ABHD17C: variants seen among roughly 807,000 people sequenced by gnomAD.
ABHD17C encodes alpha/beta hydrolase domain-containing protein 17C.
A neutral mutation model predicts 27.9 loss-of-function variants in ABHD17C; 11 were observed. The observed-to-expected ratio is 0.39, with a 90% CI of 0.25 to 0.65. The LOEUF is 0.65. Among genes scored for constraint, ABHD17C ranks in the 30% least tolerant of loss-of-function variants. The pLI is 0.45. For synonymous variants in ABHD17C, 233 were observed against 209.1 expected, an observed-to-expected ratio of 1.11 and a Z score of -0.98; for missense variants, 280 against 470.2, an observed-to-expected ratio of 0.60 and a Z score of 3.74.
intron 1 of ABHD17C, among the ~76,000 whole-genome samples, chr15:80,711,914 A>G (rs1200598411): frequency 6.6e-6 from 1 of 152,212 alleles, no homozygotes; most frequent in Non-Finnish European, 1.5e-5. Flanking sequence ...TCTAGGTAGA[A>G]TGAAAGACTG....
At chr15:80,742,430 A>G (rs1596072750) in intron 1 of ABHD17C, among the ~76,000 whole-genome samples, 1 of 152,110 alleles carries the variant, frequency 6.6e-6, no homozygotes, top group African/African-American at 2.4e-5. Context: ...AGGGCAGGAG[A>G]TCGATGTCCC....
chr15:80,741,080 A>G (rs950036750), intron 1 of ABHD17C, among the ~76,000 whole-genome samples: 1 of 152,120 alleles, frequency 6.6e-6, no homozygotes, highest in African/African-American at 2.4e-5. Flanking sequence ...CTGCCATGAC[A>G]TCTGTGTCCG....
chr15:80,709,501 A>G (rs1301356726), intron 1 of ABHD17C, among the ~76,000 whole-genome samples: 1 of 151,532 alleles, frequency 6.6e-6, no homozygotes, highest in African/African-American at 2.4e-5. Flanking sequence ...AAAAAAAAAA[A>G]CAAAAAAACA....
At chr15:80,715,830 T>G (rs1894796975) in intron 1 of ABHD17C, among the ~76,000 whole-genome samples, 1 of 152,248 alleles carries the variant, frequency 6.6e-6, no homozygotes, top group Non-Finnish European at 1.5e-5. Flanking sequence ...AGTAGTCATT[T>G]TTGTCATTCG....
At chr15:80,748,707 CCTT>C (rs34144233) in intron 1 of ABHD17C, among the ~76,000 whole-genome samples, 16,603 of 147,426 alleles carry the variant, frequency 0.11, 1,262 homozygotes, top group East Asian at 0.28. Flanking sequence ...GGTGCCGCAT[CCTT>C]CTGCATGGGC....
At chr15:80,702,304 G>A (rs1894583942) in intron 1 of ABHD17C, among the ~76,000 whole-genome samples, 1 of 152,062 alleles carries the variant, frequency 6.6e-6, no homozygotes, top group African/African-American at 2.4e-5. Flanking sequence ...TCTCAGACCA[G>A]CCTGGGCAAC....
At chr15:80,742,162 T>C (rs1246937300) in intron 1 of ABHD17C, among the ~76,000 whole-genome samples, 1 of 152,206 alleles carries the variant, frequency 6.6e-6, no homozygotes, top group African/African-American at 2.4e-5. Context: ...GAGGAGATTT[T>C]TTTTATGGGA....
intron 2 of ABHD17C, among the ~76,000 whole-genome samples, chr15:80,751,352 T>G (rs1362249082): frequency 6.6e-6 from 1 of 152,052 alleles, no homozygotes; most frequent in Non-Finnish European, 1.5e-5. Flanking sequence ...AGAGCAAGAT[T>G]CTGTCTCCAA....
At position 80,696,007 on chromosome 15, in the gene ABHD17C, C is replaced by T; in HGVS notation, c.578C>T (p.Ala193Val). The T allele has an allele frequency of 6.4e-7, 1 of 1,574,144 alleles. No individual in the cohort carries two copies. Among genetic ancestry groups the T allele is most frequent in the South Asian group, 1.1e-5 (1 of 88,074 alleles). Residue 193 changes from alanine (A) to valine (V), a missense_variant, in exon 1 of 3, where the codon GCG (alanine) becomes GTG (valine). Ala to Val is a moderately conservative substitution (Grantham distance 64). This residue lies in a region of ABHD17C where 206 missense variants were observed against 394.7 expected (regional missense o/e 0.52). Transcript: ENST00000258884. ...GCCGACATCGACGCCGCGTGGCAGG[C>T]GCTGCGCACCCGGTGAGCCTGCCGG... ...LYADIDAAWQ[A>V]LRTRYGVSPE...
intron 1 of ABHD17C, among the ~76,000 whole-genome samples, chr15:80,720,753 T>C (rs991197944): frequency 6.6e-6 from 1 of 152,018 alleles, no homozygotes; most frequent in Non-Finnish European, 1.5e-5. Flanking sequence ...AAACTCCGTC[T>C]CTACTAAAAA....
At chr15:80,714,308 C>G (rs565122292) in intron 1 of ABHD17C, among the ~76,000 whole-genome samples, 5 of 152,196 alleles carry the variant, frequency 3.3e-5, no homozygotes, top group African/African-American at 9.7e-5. Flanking sequence ...TCTGGTGTAT[C>G]CGGCATTCCT....
At chr15:80,753,241 T>C (rs1895387499) in intron 2 of ABHD17C, among the ~76,000 whole-genome samples, 2 of 151,894 alleles carry the variant, frequency 1.3e-5, no homozygotes, top group South Asian at 4.1e-4. Context: ...ATATAAAAAA[T>C]AGTAGTTGCT....
rs1311902735 is a variant in ABHD17C, at chr15:80,740,696, A to G, written c.591-8817A>G. ...ATTAATATCAAGACGTTTTGTCCCAATTCCAGTCCTTCTACATAAGTCTGA... is the reference window on the plus strand; with the variant it reads ...ATTAATATCAAGACGTTTTGTCCCAGTTCCAGTCCTTCTACATAAGTCTGA... On this transcript the variant is annotated intron_variant, in intron 1 of 2. Transcript: ENST00000258884. Among the ~76,000 whole-genome samples the G allele has an allele frequency of 1.1e-4, 16 of 152,132 alleles. No individual in the cohort carries two copies. In the East Asian group the frequency reaches 1.7e-3, roughly 17 times the overall value.
At position 80,725,718 on chromosome 15, in the gene ABHD17C, A is replaced by G. The variant is rs534478729; in HGVS notation, c.591-23795A>G. Among the ~76,000 whole-genome samples the G allele has an allele frequency of 2.4e-3, 364 of 152,080 alleles. 1 individual carries two copies. The highest frequency in any genetic ancestry group is 8.3e-3 in the African/African-American group (346 of 41,494). On this transcript the variant is annotated intron_variant, in intron 1 of 2. Transcript: ENST00000258884. Reference sequence around the variant, plus strand: ...ATTTTTATAGAGATGTAGTCTTGCTATGTAGCCCAGGCTGGGTTTGAACTC... The same window carrying G: ...ATTTTTATAGAGATGTAGTCTTGCTGTGTAGCCCAGGCTGGGTTTGAACTC...
At position 80,749,495 on chromosome 15, in the gene ABHD17C, A is replaced by G. The variant is rs371430993; in HGVS notation, c.591-18A>G. 6 of 1,611,484 alleles carry G rather than the reference A, an allele frequency of 3.7e-6. No individual in the cohort carries two copies. The African/African-American group carries it at 8.0e-5, about 22-fold the overall frequency. On this transcript the variant is annotated intron_variant, in intron 1 of 2. Transcript: ENST00000258884. ...CTTCATACCTTAGCTAATGGCATAC[A>G]ACCTCTGATTTCTCCAGGTATGGCG...
At chr15:80,713,741 G>A (rs1297775383) in intron 1 of ABHD17C, among the ~76,000 whole-genome samples, 8 of 151,844 alleles carry the variant, frequency 5.3e-5, no homozygotes, top group African/African-American at 9.7e-5. Context: ...CCTGGGAGGC[G>A]GAGGTTGCAG....
chr15:80,752,993 A>G (rs1895384295), intron 2 of ABHD17C, among the ~76,000 whole-genome samples: 1 of 152,208 alleles, frequency 6.6e-6, no homozygotes. Context: ...TTTTCAAGCT[A>G]AATAGTACAG....
chr15:80,704,708 GC>G (rs1450637814), intron 1 of ABHD17C: 1 of 152,184 alleles, frequency 6.6e-6, no homozygotes, highest in Non-Finnish European at 1.5e-5. Context: ...TCAGGCTTCT[GC>G]CCCTCCTCTA....
intron 1 of ABHD17C, among the ~76,000 whole-genome samples, 170 bp from the exon 2 acceptor site, chr15:80,749,343 A>G (rs1487651272): frequency 2.0e-5 from 3 of 152,156 alleles, no homozygotes; most frequent in Non-Finnish European, 2.9e-5. Context: ...GCCCCTAACA[A>G]TTGTTTTTGT....
Sources: gnomAD v4.1 joint callset for allele counts (sites outside exome capture counted in the v4.1 genomes callset) on GRCh38, gnomAD v4.1.1 for gene constraint, gnomAD v4.1.1 regional missense constraint, MANE v1.5 for transcripts, NCBI Gene and HGNC (gene_info 2026-07-23, HGNC 2026-07-21) for gene names.